Variants in PTPRG observed in about 807,000 individuals in gnomAD.
The protein encoded by PTPRG is receptor-type tyrosine-protein phosphatase gamma.
Under a neutral mutation model 165.3 loss-of-function variants are expected in PTPRG, and 102 were observed. That is an observed-to-expected ratio of 0.62 (90% CI 0.53 to 0.73). The LOEUF is 0.73. Among genes scored for constraint, PTPRG ranks in the 30% least tolerant of loss-of-function variants. The pLI, the probability that PTPRG is intolerant of heterozygous loss-of-function variation, is 0.00. For missense variants in PTPRG, 1,866 were observed against 1,861.4 expected (o/e 1.00, Z -0.05); for synonymous variants, 675 against 669.5 (o/e 1.01, Z -0.13).
chr3:61,644,736 T>TAAATTTAG (rs1390470615), intron 1 of PTPRG, among the ~76,000 whole-genome samples: 2 of 152,216 alleles, frequency 1.3e-5, no homozygotes, highest in African/African-American at 4.8e-5. Flanking sequence ...AGAATCCTGT[T>TAAATTTAG]AAATTTAGAA....
intron 5 of PTPRG, among the ~76,000 whole-genome samples, chr3:62,122,696 C>T (rs1039601212): frequency 6.6e-6 from 1 of 152,166 alleles, no homozygotes; most frequent in African/African-American, 2.4e-5. Context: ...TGTTTATTTG[C>T]TCCATTTGGG....
intron 4 of PTPRG, among the ~76,000 whole-genome samples, chr3:62,023,866 T>G (rs1159407380): frequency 6.6e-6 from 1 of 152,130 alleles, no homozygotes; most frequent in East Asian, 1.9e-4. Context: ...CATGAGAACA[T>G]GAGATGTTGT....
intron 1 of PTPRG, among the ~76,000 whole-genome samples, chr3:61,747,886 G>A (rs1021944463): frequency 4.0e-5 from 6 of 151,712 alleles, no homozygotes; most frequent in African/African-American, 7.3e-5. Context: ...GTGTAATTCC[G>A]TTTCATTTTG....
At chr3:61,922,252 C>A (rs182556839) in intron 2 of PTPRG, among the ~76,000 whole-genome samples, 29 of 152,346 alleles carry the variant, frequency 1.9e-4, no homozygotes, top group Admixed American at 1.2e-3. Flanking sequence ...GGAAAGCATT[C>A]TTCTCCTGGA....
In PTPRG at chr3:62,293,012, AT is replaced by A. The variant is rs373917788; in HGVS notation, c.4192-139del. 5.3e-3 allele frequency: 3,160 copies of A among 600,602 alleles called. 6 individuals are homozygous for A. The highest frequency in any genetic ancestry group is 0.016 in the South Asian group (490 of 31,206). 37.2% of individuals were successfully genotyped at this position (600,602 alleles called of 1,614,324 possible). Reference sequence around the variant, plus strand: ...GTCTTGACTATAATAAATTCAAATGATTTTTTTTTTAGTTTTTTTAGATAAC... The same window carrying A: ...GTCTTGACTATAATAAATTCAAATGATTTTTTTTTAGTTTTTTTAGATAAC... On this transcript the variant is annotated intron_variant, in intron 29 of 29. Coordinates refer to ENST00000474889, the MANE Select transcript of PTPRG (RefSeq NM_002841.4).
intron 2 of PTPRG, 145 bp downstream of exon 2, chr3:61,749,127 C>T (rs1397376918): frequency 1.3e-6 from 1 of 752,102 alleles, no homozygotes; most frequent in African/African-American, 1.7e-5. Flanking sequence ...AATATTCGAG[C>T]CTGTTTTTCC....
chr3:61,642,464 G>A (rs1466968538), intron 1 of PTPRG, among the ~76,000 whole-genome samples: 1 of 152,212 alleles, frequency 6.6e-6, no homozygotes, highest in Middle Eastern at 3.2e-3. Flanking sequence ...CAACTGAAGA[G>A]TGATCTGGTT....
intron 12 of PTPRG, among the ~76,000 whole-genome samples, chr3:62,208,383 C>T (rs1380369322): frequency 6.6e-6 from 1 of 152,220 alleles, no homozygotes; most frequent in Non-Finnish European, 1.5e-5. Flanking sequence ...GCATCATCTA[C>T]AAATTCATCA....
chr3:61,778,557 G>A (rs1216371694), intron 2 of PTPRG, among the ~76,000 whole-genome samples: 2 of 152,050 alleles, frequency 1.3e-5, no homozygotes, highest in African/African-American at 2.4e-5. Context: ...TTTGTTCTAG[G>A]AAGTCAGTGT....
chr3:62,088,363 GA>G (rs1400538237), intron 5 of PTPRG, among the ~76,000 whole-genome samples: 1 of 152,216 alleles, frequency 6.6e-6, no homozygotes, highest in Admixed American at 6.5e-5. Flanking sequence ...CATCTCGGTA[GA>G]GGGGGGTCAG....
intron 8 of PTPRG, among the ~76,000 whole-genome samples, chr3:62,180,937 C>A (rs2106774371): frequency 6.6e-6 from 1 of 152,144 alleles, no homozygotes; most frequent in South Asian, 2.1e-4. Flanking sequence ...GAGCATGTAG[C>A]TCTGTTACAT....
intron 2 of PTPRG, among the ~76,000 whole-genome samples, chr3:61,914,930 C>T (rs921634564): frequency 2.6e-5 from 4 of 152,140 alleles, no homozygotes; most frequent in African/African-American, 4.8e-5. Flanking sequence ...ATATCTATTA[C>T]ATACATAATA....
chr3:62,196,660 T>C (rs1699971067), intron 10 of PTPRG, among the ~76,000 whole-genome samples: 1 of 152,158 alleles, frequency 6.6e-6, no homozygotes, highest in Admixed American at 6.5e-5. Flanking sequence ...TGCTGGACTC[T>C]GCTCTGCCAG....
intron 2 of PTPRG, among the ~76,000 whole-genome samples, chr3:61,811,394 T>G (rs989267318): frequency 2.6e-5 from 4 of 152,210 alleles, no homozygotes; most frequent in African/African-American, 9.6e-5. Context: ...ACCAAAATCC[T>G]TTTTTCCCCT....
chr3:61,847,024 A>T (rs759635593), intron 2 of PTPRG, among the ~76,000 whole-genome samples: 121 of 152,306 alleles, frequency 7.9e-4, no homozygotes, highest in Middle Eastern at 6.8e-3. Flanking sequence ...AAAATTAAAA[A>T]TTCAATTCTT....
intron 5 of PTPRG, among the ~76,000 whole-genome samples, chr3:62,095,956 A>G (rs893390213): frequency 6.6e-6 from 1 of 152,198 alleles, no homozygotes; most frequent in African/African-American, 2.4e-5. Flanking sequence ...ACTAGACCAC[A>G]AAAAGAGCCT....
chr3:61,932,449 T>C (rs562608301), intron 2 of PTPRG, among the ~76,000 whole-genome samples: 1 of 152,328 alleles, frequency 6.6e-6, no homozygotes, highest in Non-Finnish European at 1.5e-5. Context: ...AAATATATTA[T>C]AAGCTTCCCC....
chr3:62,159,524 C>G (rs1367713689), intron 7 of PTPRG, among the ~76,000 whole-genome samples: 2 of 152,060 alleles, frequency 1.3e-5, no homozygotes, highest in Non-Finnish European at 2.9e-5. Context: ...GATGTTTTGC[C>G]AAGTGTTTGT....
At chr3:61,605,294 C>T (rs1575532200) in intron 1 of PTPRG, among the ~76,000 whole-genome samples, 1 of 152,228 alleles carries the variant, frequency 6.6e-6, no homozygotes, top group Admixed American at 6.5e-5. Context: ...CTTGCTCTGT[C>T]ACCCAGGCTG....
Sources: allele counts gnomAD v4.1 joint callset (sites outside exome capture counted in the v4.1 genomes callset), GRCh38; gene constraint gnomAD v4.1.1; transcripts MANE v1.5; gene names NCBI Gene and HGNC (gene_info 2026-07-23, HGNC 2026-07-21).